The following PCDHGA4 variants were observed in gnomAD, a reference collection of about 807,000 sequenced individuals.
PCDHGA4 encodes the protein protocadherin gamma subfamily A, 4.
PCDHGA4 carries 38 observed loss-of-function variants against 54.6 expected under a neutral mutation model. The ratio of observed to expected loss-of-function variants is 0.70; its 90% CI spans 0.54 to 0.91. PCDHGA4 has a LOEUF of 0.91. Among genes scored for constraint, PCDHGA4 ranks in the 40% least tolerant of loss-of-function variants. PCDHGA4 has a pLI of 0.00. For missense variants in PCDHGA4, 1,298 were observed against 1,220.9 expected (o/e 1.06, Z -0.94); for synonymous variants, 511 against 512.9 (o/e 1.00, Z 0.05).
intron 1 of PCDHGA4, among the ~76,000 whole-genome samples, chr5:141,480,272 G>T (rs903112862): frequency 7.2e-6 from 1 of 138,796 alleles, no homozygotes; most frequent in Non-Finnish European, 1.5e-5. Flanking sequence ...TTCATTAGCT[G>T]GGTGTGTTGG....
At chr5:141,413,606 T>C (rs756987695) in intron 1 of PCDHGA4, 1 of 1,613,848 alleles carries the variant, frequency 6.2e-7, no homozygotes, top group Admixed American at 1.7e-5. Context: ...AATCTAGACG[T>C]AAAAATTAAT....
rs765353257 is a variant in PCDHGA4 at position 141,431,824 on chromosome 5, G to A, written c.2515-62983G>A. On this transcript the variant is annotated intron_variant, in intron 1 of 3. Coordinates refer to ENST00000571252, the MANE Select transcript of PCDHGA4 (RefSeq NM_018917.4). The surrounding 1 kb of genome is among the most constrained non-coding windows in gnomAD (Gnocchi z 4.8). ...TGGTCCTCACCTCTCTCGCCAGCTC[G>A]GTTCCCGAAAACTCTCCCAGAGGGA... is the stretch of plus-strand genomic sequence containing the variant. The A allele has an allele frequency of 1.3e-5, 21 of 1,614,092 alleles. No homozygotes were observed. In the South Asian group the frequency reaches 2.1e-4, roughly 16 times the overall value.
At chr5:141,429,599 A>G (rs2097227286) in intron 1 of PCDHGA4, among the ~76,000 whole-genome samples, 1 of 152,238 alleles carries the variant, frequency 6.6e-6, no homozygotes, top group Non-Finnish European at 1.5e-5. Flanking sequence ...TAATTCAAGT[A>G]AACTCAATTT....
chr5:141,380,361 G>GA (rs980591138), intron 1 of PCDHGA4, among the ~76,000 whole-genome samples: 103 of 151,620 alleles, frequency 6.8e-4, no homozygotes, highest in South Asian at 1.2e-3. Flanking sequence ...TTGTTTTTTA[G>GA]AAAAAAAAGT....
intron 1 of PCDHGA4, chr5:141,403,746 C>G (rs773668506): frequency 1.2e-6 from 2 of 1,613,904 alleles, no homozygotes; most frequent in Non-Finnish European, 8.5e-7. Flanking sequence ...CTTACTGCAA[C>G]AGCCAGCGAC....
rs747311538 is a variant in PCDHGA4 at position 141,357,433 on chromosome 5, G to A, written c.2326G>A (p.Gly776Arg). 1.9e-6 allele frequency: 3 copies of A among 1,614,090 alleles called. No individual in the cohort carries two copies. Among genetic ancestry groups the A allele is most frequent in the Non-Finnish European group, 2.5e-6 (3 of 1,180,054 alleles). Reference sequence around the variant, plus strand: ...TGCCTCGCACTTTGTGGGCGTGGACGGGGTTCGGGCTTTCCTGCAGACCTA... The same window carrying A: ...TGCCTCGCACTTTGTGGGCGTGGACAGGGTTCGGGCTTTCCTGCAGACCTA... ...VPASHFVGVD[G>R]VRAFLQTYSH... is the part of the protein sequence containing the mutation. The change falls in exon 1 of 4, where the codon GGG becomes AGG. Residue 776 changes from glycine (G) to arginine (R), a missense_variant. Transcript: ENST00000571252.
At chr5:141,408,885 T>C (rs1263835706) in intron 1 of PCDHGA4, 3 of 1,612,902 alleles carry the variant, frequency 1.9e-6, no homozygotes, top group East Asian at 2.2e-5. Flanking sequence ...ACCGCTCACA[T>C]AGAAATTTCT....
intron 1 of PCDHGA4, chr5:141,365,799 C>A: frequency 1.2e-6 from 2 of 1,613,942 alleles, no homozygotes; most frequent in South Asian, 1.1e-5. Context: ...GTCACCTACT[C>A]CCTGGCTGAA....
At chr5:141,394,467 G>A (rs558211393) in intron 1 of PCDHGA4, 3 of 1,614,238 alleles carry the variant, frequency 1.9e-6, no homozygotes, top group Admixed American at 1.7e-5. Flanking sequence ...GAGCCTGTTC[G>A]TGCTGGACCA....
At chr5:141,448,247 A>G (rs1449158776) in intron 1 of PCDHGA4, among the ~76,000 whole-genome samples, 1 of 152,104 alleles carries the variant, frequency 6.6e-6, no homozygotes, top group Non-Finnish European at 1.5e-5. Flanking sequence ...TTTGCACAAC[A>G]GGATCATTTT....
At chr5:141,358,959 G>T (rs190697556) in intron 1 of PCDHGA4, among the ~76,000 whole-genome samples, 1 of 152,196 alleles carries the variant, frequency 6.6e-6, no homozygotes, top group Admixed American at 6.5e-5. Context: ...CTTTCATTTA[G>T]GTTCTGTGAG....
chr5:141,414,657 C>T (rs1313928067), intron 1 of PCDHGA4: 1 of 1,614,004 alleles, frequency 6.2e-7, no homozygotes, highest in Admixed American at 1.7e-5. Context: ...TTATTTACTC[C>T]CTGGCTGAAG....
chr5:141,510,986 G>A lies in PCDHGA4; in HGVS notation c.2702G>A (p.Gly901Asp), dbSNP rs754203270. The A allele has an allele frequency of 6.2e-7, 1 of 1,614,166 alleles. No individual in the cohort carries two copies. The highest frequency in any genetic ancestry group is 8.5e-7 in the Non-Finnish European group (1 of 1,180,012). The change falls in exon 4 of 4, where the codon GGC becomes GAC. Residue 901 changes from glycine to aspartate, a missense_variant. Physicochemically the swap from Gly to Asp is moderately conservative, Grantham distance 94. Transcript: ENST00000571252. ...DGSSTLGGGA[G>D]TMGLSARYGP... ...AGCTCCACCCTGGGAGGGGGTGCCG[G>A]CACCATGGGATTGAGCGCCCGCTAC... is the stretch of plus-strand genomic sequence containing the variant.
intron 1 of PCDHGA4, chr5:141,375,792 A>G: frequency 6.2e-7 from 1 of 1,614,190 alleles, no homozygotes; most frequent in Non-Finnish European, 8.5e-7. Flanking sequence ...CTCCCCACAG[A>G]CGGTTCCACT....
chr5:141,393,019 G>A (rs1415257415), intron 1 of PCDHGA4: 1 of 1,613,746 alleles, frequency 6.2e-7, no homozygotes, highest in African/African-American at 1.3e-5. Flanking sequence ...ATCGTCTCCA[G>A]AGGTAGGACG....
intron 1 of PCDHGA4, chr5:141,375,025 T>C (rs1771054334): frequency 3.7e-6 from 6 of 1,614,042 alleles, no homozygotes; most frequent in Non-Finnish European, 5.1e-6. Flanking sequence ...ACTCGAGTTT[T>C]TATGAGCTGG....
At chr5:141,369,672 A>G (rs545394407) in intron 1 of PCDHGA4, among the ~76,000 whole-genome samples, 2 of 152,370 alleles carry the variant, frequency 1.3e-5, no homozygotes, top group East Asian at 3.9e-4. Flanking sequence ...AAGAGAAGAA[A>G]GTGAAACATA....
chr5:141,449,944 T>C (rs1375717746), intron 1 of PCDHGA4, among the ~76,000 whole-genome samples: 1 of 151,744 alleles, frequency 6.6e-6, no homozygotes, highest in Non-Finnish European at 1.5e-5. Flanking sequence ...TATATTTTAC[T>C]ATACCTCATA....
intron 1 of PCDHGA4, chr5:141,393,647 A>T: frequency 6.2e-7 from 1 of 1,613,964 alleles, no homozygotes; most frequent in Non-Finnish European, 8.5e-7. Context: ...GAAAAGTGGC[A>T]TACAAATTCC....
Sources: gnomAD v4.1 joint callset for allele counts (sites outside exome capture counted in the v4.1 genomes callset) on GRCh38, gnomAD v4.1.1 for gene constraint, Gnocchi (gnomAD v3.1) non-coding constraint, MANE v1.5 for transcripts, NCBI Gene and HGNC (gene_info 2026-07-23, HGNC 2026-07-21) for gene names.